Variants in SNX25 observed in about 807,000 individuals in gnomAD.
The protein encoded by SNX25 is sorting nexin 25.
SNX25 carries 62 observed loss-of-function variants against 113.7 expected under a neutral mutation model. That is an observed-to-expected ratio of 0.55 (90% CI 0.44 to 0.67). The LOEUF is 0.67. SNX25 is among the 30% of genes least tolerant of loss of function. The pLI is 0.00. For missense variants in SNX25, 1,014 were observed against 1,161.0 expected (o/e 0.87, Z 1.84); for synonymous variants, 421 against 436.2 (o/e 0.97, Z 0.43).
chr4:185,360,930 A>AT (rs1491260048), intron 16 of SNX25, among the ~76,000 whole-genome samples: 6 of 139,608 alleles, frequency 4.3e-5, no homozygotes, highest in Non-Finnish European at 6.1e-5. Flanking sequence ...AAAAAAAAAT[A>AT]ATATATATAT....
At chr4:185,286,595 G>C (rs1052362784) in intron 5 of SNX25, among the ~76,000 whole-genome samples, 1 of 152,194 alleles carries the variant, frequency 6.6e-6, no homozygotes, top group African/African-American at 2.4e-5. Context: ...TGTCTCCAAG[G>C]CTAGAATGGT....
At chr4:185,357,027 C>T (rs1016920486) in intron 15 of SNX25, among the ~76,000 whole-genome samples, 1 of 152,162 alleles carries the variant, frequency 6.6e-6, no homozygotes, top group African/African-American at 2.4e-5. Flanking sequence ...AAGAAAGGCA[C>T]ATGTTAATAC....
At chr4:185,267,209 C>CT in intron 5 of SNX25, 54 bp downstream of exon 5, 1 of 1,515,578 alleles carries the variant, frequency 6.6e-7, no homozygotes, top group South Asian at 1.2e-5. Context: ...CATCCCCTGC[C>CT]TAGTTAGGTT....
At chr4:185,254,511 T>A (rs1023929690) in intron 2 of SNX25, among the ~76,000 whole-genome samples, 2 of 152,130 alleles carry the variant, frequency 1.3e-5, no homozygotes, top group African/African-American at 4.8e-5. Flanking sequence ...GGTGGGAAAA[T>A]GGCCCTCTTG....
At chr4:185,212,464 TGTG>T (rs1737994196) in intron 1 of SNX25, among the ~76,000 whole-genome samples, 1 of 37,324 alleles carries the variant, frequency 2.7e-5, no homozygotes, top group Admixed American at 3.4e-4. Context: ...ATTTGTGTGA[TGTG>T]TGTGTGTGTG....
downstream of SNX25, chr4:185,374,551 C>T (rs2095426833): frequency 8.1e-6 from 11 of 1,355,444 alleles, no homozygotes. Context: ...AAGTGTCCGC[C>T]CTCTGACACG....
intron 13 of SNX25, among the ~76,000 whole-genome samples, chr4:185,349,114 G>A (rs2095302895): frequency 6.6e-6 from 1 of 152,056 alleles, no homozygotes; most frequent in Admixed American, 6.5e-5. Flanking sequence ...GGTCCACAAT[G>A]GAAGAAGAAG....
At chr4:185,354,175 GA>G (rs1312626714) in intron 15 of SNX25, among the ~76,000 whole-genome samples, 1 of 152,168 alleles carries the variant, frequency 6.6e-6, no homozygotes, top group Non-Finnish European at 1.5e-5. Flanking sequence ...CAGAAGGTTA[GA>G]ATCCTTCACG....
intron 6 of SNX25, among the ~76,000 whole-genome samples, chr4:185,303,951 T>A (rs1197013678): frequency 6.6e-6 from 1 of 152,190 alleles, no homozygotes; most frequent in Non-Finnish European, 1.5e-5. Flanking sequence ...TTTTTTGAGT[T>A]CCTTAGCAAC....
downstream of SNX25, chr4:185,374,561 G>A (rs1266079294): frequency 8.0e-6 from 10 of 1,243,532 alleles, no homozygotes; most frequent in East Asian, 7.0e-5. Flanking sequence ...CCTCTGACAC[G>A]ATGTATAATA....
chr4:185,217,658 T>C (rs1011110491), intron 1 of SNX25, among the ~76,000 whole-genome samples: 1 of 152,154 alleles, frequency 6.6e-6, no homozygotes, highest in Admixed American at 6.5e-5. Flanking sequence ...CCTAAAAATA[T>C]CTTAGGCTTC....
intron 16 of SNX25, 112 bp from the exon 17 acceptor site, chr4:185,361,812 A>G (rs1297704525): frequency 2.5e-6 from 2 of 798,786 alleles, no homozygotes; most frequent in South Asian, 3.1e-5. Context: ...TAGTTTATTC[A>G]TCAAACACTT....
intron 1 of SNX25, among the ~76,000 whole-genome samples, chr4:185,245,364 CAG>C (rs1579453394): frequency 6.6e-6 from 1 of 151,452 alleles, no homozygotes; most frequent in Admixed American, 6.6e-5. Flanking sequence ...TTCTCCCAGA[CAG>C]AGTCTTGCTC....
At chr4:185,376,766 A>C in the SNX25 span, 1 of 611,584 alleles carries the variant, frequency 1.6e-6, no homozygotes, top group African/African-American at 1.8e-5. Context: ...ACTGTATCCT[A>C]CTGTTAAAGC....
chr4:185,346,114 C>T (rs1384347109), intron 12 of SNX25, among the ~76,000 whole-genome samples: 1 of 152,232 alleles, frequency 6.6e-6, no homozygotes, highest in Non-Finnish European at 1.5e-5. Flanking sequence ...CTTCCTTGGC[C>T]TCCCAAAGTG....
chr4:185,341,856 A>C, intron 11 of SNX25, 120 bp from the exon 12 acceptor site: 1 of 991,862 alleles, frequency 1.0e-6, no homozygotes, highest in Non-Finnish European at 1.4e-6. Flanking sequence ...TCACAGTTCC[A>C]GGGATCCTGC....
At chr4:185,354,120 G>A (rs995703483) in intron 15 of SNX25, among the ~76,000 whole-genome samples, 11 of 151,360 alleles carry the variant, frequency 7.3e-5, no homozygotes, top group African/African-American at 2.4e-4. Flanking sequence ...CTGTCCTAAC[G>A]TAACATAGCG....
chr4:185,325,369 T>TA (rs1453431561), intron 9 of SNX25, among the ~76,000 whole-genome samples: 1 of 151,908 alleles, frequency 6.6e-6, no homozygotes, highest in African/African-American at 2.4e-5. Context: ...CCGTCTCTAC[T>TA]AAAAATACAA....
chr4:185,267,134 T>C lies in SNX25; in HGVS notation c.1070T>C (p.Val357Ala), dbSNP rs1457418771. ...FIKLINSNSD[V>A]EFLKQLRYQI... is the part of the protein sequence containing the mutation. ...AAGCTCATTAACAGCAACTCTGATGTGGAGTTCTTGAAGCAACTAAGGTAT... is the reference window on the plus strand; with the variant it reads ...AAGCTCATTAACAGCAACTCTGATGCGGAGTTCTTGAAGCAACTAAGGTAT... Residue 357 changes from valine (V) to alanine (A), a missense_variant, in exon 5 of 19, where the codon GTG becomes GCG. Transcript: ENST00000652585. The C allele has an allele frequency of 3.1e-6, 5 of 1,613,492 alleles. No individual in the cohort carries two copies. Among genetic ancestry groups the C allele is most frequent in the African/African-American group, 1.3e-5 (1 of 74,800 alleles).
Sources: gnomAD v4.1 joint callset for allele counts (sites outside exome capture counted in the v4.1 genomes callset) on GRCh38, gnomAD v4.1.1 for gene constraint, MANE v1.5 for transcripts, NCBI Gene and HGNC (gene_info 2026-07-23, HGNC 2026-07-21) for gene names.